Variants in ZMAT4 observed in about 807,000 individuals in gnomAD.
ZMAT4 encodes the protein zinc finger matrin-type protein 4.
Under a neutral mutation model 28.7 loss-of-function variants are expected in ZMAT4, and 17 were observed. The observed-to-expected ratio is 0.59, with a 90% confidence interval of 0.41 to 0.89. The LOEUF is 0.89. Among genes scored for constraint, ZMAT4 ranks in the 40% least tolerant of loss-of-function variants. The probability of loss-of-function intolerance (pLI) is 0.00; values close to 1 mark genes in which losing one functional copy is unlikely to be tolerated. For synonymous variants in ZMAT4, 117 were observed against 109.2 expected (o/e 1.07, Z -0.44); for missense variants, 240 against 283.8 (o/e 0.85, Z 1.11).
At chr8:40,774,349 A>G (rs1029010339) in intron 2 of ZMAT4, among the ~76,000 whole-genome samples, 2 of 152,178 alleles carry the variant, frequency 1.3e-5, no homozygotes, top group African/African-American at 4.8e-5. Context: ...ATTGGCAAGG[A>G]TTTACAAAAT....
chr8:40,627,834 T>C (rs1030315475), intron 5 of ZMAT4, among the ~76,000 whole-genome samples: 18 of 152,040 alleles, frequency 1.2e-4, no homozygotes, highest in African/African-American at 4.4e-4. Flanking sequence ...AGAGAATCCT[T>C]TGAGGGGATG....
chr8:40,828,310 T>C (rs529450143), intron 1 of ZMAT4, among the ~76,000 whole-genome samples: 2 of 152,222 alleles, frequency 1.3e-5, no homozygotes, highest in African/African-American at 2.4e-5. Context: ...GTTTAAATAT[T>C]ATCATGTTCC....
chr8:40,800,855 A>G (rs1387648310), intron 2 of ZMAT4, among the ~76,000 whole-genome samples: 2 of 152,098 alleles, frequency 1.3e-5, no homozygotes, highest in Non-Finnish European at 2.9e-5. Flanking sequence ...AGAGAAGAAA[A>G]AAATTAAATT....
At chr8:40,895,633 C>T (rs923401325) in intron 1 of ZMAT4, among the ~76,000 whole-genome samples, 11 of 152,204 alleles carry the variant, frequency 7.2e-5, no homozygotes, top group African/African-American at 2.7e-4. Context: ...CCCCCTCCCC[C>T]CACACTGCCT....
At chr8:40,659,850 T>G (rs940422119) in intron 5 of ZMAT4, among the ~76,000 whole-genome samples, 1 of 152,214 alleles carries the variant, frequency 6.6e-6, no homozygotes, top group African/African-American at 2.4e-5. Flanking sequence ...TGACCCTGAA[T>G]CCACTACGCT....
intron 2 of ZMAT4, among the ~76,000 whole-genome samples, chr8:40,820,825 ATGTTTATG>A (rs1259357383): frequency 0.037 from 1,547 of 42,140 alleles, 27 homozygotes; most frequent in African/African-American, 0.11. Flanking sequence ...GTGTATGTGT[ATGTTTATG>A]TGTGTATGTG....
rs1185881738 is a variant in ZMAT4 at position 40,532,033 on chromosome 8, T to TA, written c.*189dup. On this transcript the variant is annotated 3_prime_UTR_variant, in exon 7 of 7. Coordinates refer to ENST00000297737, the MANE Select transcript of ZMAT4 (RefSeq NM_024645.3). Reference sequence around the variant, plus strand: ...CAAATATCATAACTTACCCCAAAATTAAAAAAAGGAAAAAGAAAAAAGAAA... The same window carrying TA: ...CAAATATCATAACTTACCCCAAAATTAAAAAAAAGGAAAAAGAAAAAAGAAA... 4.6e-6 allele frequency: 2 copies of TA among 437,144 alleles called. No homozygotes were observed. The highest frequency in any genetic ancestry group is 3.6e-5 in the East Asian group (1 of 27,912). 27.1% of individuals were successfully genotyped at this position (437,144 alleles called of 1,614,324 possible). A position where few individuals can be genotyped will look rare whatever the true frequency, so the allele number is the denominator to read the frequency against.
chr8:40,780,766 A>C (rs1291722257), intron 2 of ZMAT4, among the ~76,000 whole-genome samples: 2 of 152,220 alleles, frequency 1.3e-5, no homozygotes, highest in African/African-American at 4.8e-5. Flanking sequence ...AATGTACCAC[A>C]TTTATAGAAG....
At chr8:40,848,858 C>T (rs1355589097) in intron 1 of ZMAT4, among the ~76,000 whole-genome samples, 1 of 152,184 alleles carries the variant, frequency 6.6e-6, no homozygotes, top group Non-Finnish European at 1.5e-5. Context: ...ATTCAAAAAT[C>T]CGTCCATTGT....
intron 3 of ZMAT4, among the ~76,000 whole-genome samples, chr8:40,741,308 G>A (rs1391213203): frequency 4.6e-5 from 7 of 151,886 alleles, no homozygotes; most frequent in East Asian, 1.9e-4. Context: ...TTAGCCAGGC[G>A]TGGTGGCATG....
At chr8:40,782,111 A>G (rs1174909760) in intron 2 of ZMAT4, among the ~76,000 whole-genome samples, 2 of 152,070 alleles carry the variant, frequency 1.3e-5, no homozygotes, top group East Asian at 3.9e-4. Context: ...TGCTTCAAAG[A>G]CACCGGTGGC....
chr8:40,896,795 G>A (rs977880163), intron 1 of ZMAT4, among the ~76,000 whole-genome samples: 5 of 152,062 alleles, frequency 3.3e-5, no homozygotes, highest in African/African-American at 4.8e-5. Context: ...CACCACCTCT[G>A]CCACAAATGC....
At chr8:40,872,665 C>G (rs1817904159) in intron 1 of ZMAT4, among the ~76,000 whole-genome samples, 1 of 152,116 alleles carries the variant, frequency 6.6e-6, no homozygotes, top group Non-Finnish European at 1.5e-5. Flanking sequence ...TCCACACCCC[C>G]TCAGATAATG....
chr8:40,621,806 A>G (rs78081484), intron 5 of ZMAT4, among the ~76,000 whole-genome samples: 154 of 152,302 alleles, frequency 1.0e-3, no homozygotes, highest in African/African-American at 3.6e-3. Context: ...AGGGTCTAAG[A>G]TTTAATATTC....
intron 5 of ZMAT4, among the ~76,000 whole-genome samples, chr8:40,605,708 T>G (rs1194408282): frequency 6.6e-6 from 1 of 152,228 alleles, no homozygotes; most frequent in Non-Finnish European, 1.5e-5. Context: ...TTAAATCCAC[T>G]GTTTCTTTGT....
chr8:40,846,890 C>T (rs1396027967), intron 1 of ZMAT4, among the ~76,000 whole-genome samples: 1 of 152,160 alleles, frequency 6.6e-6, no homozygotes. Flanking sequence ...AACACACACA[C>T]CCTTCCCAAT....
chr8:40,678,692 G>C (rs1052247114), intron 4 of ZMAT4, among the ~76,000 whole-genome samples: 5 of 152,176 alleles, frequency 3.3e-5, no homozygotes, highest in African/African-American at 1.2e-4. Context: ...AATTGGAACA[G>C]AAGCTCCCAT....
At chr8:40,869,881 G>T (rs1817794344) in intron 1 of ZMAT4, among the ~76,000 whole-genome samples, 1 of 152,124 alleles carries the variant, frequency 6.6e-6, no homozygotes, top group Non-Finnish European at 1.5e-5. Context: ...GGACTTCTGG[G>T]TTCTTTCTTA....
intron 1 of ZMAT4, among the ~76,000 whole-genome samples, chr8:40,846,965 G>C (rs1816924477): frequency 6.6e-6 from 1 of 152,150 alleles, no homozygotes; most frequent in Non-Finnish European, 1.5e-5. Context: ...CTAGCACTTT[G>C]GGAGGCCAAG....
Sources: allele counts gnomAD v4.1 joint callset (sites outside exome capture counted in the v4.1 genomes callset), GRCh38; gene constraint gnomAD v4.1.1; transcripts MANE v1.5; gene names NCBI Gene and HGNC (gene_info 2026-07-23, HGNC 2026-07-21).